Variants in ELMO1 observed in about 807,000 individuals in gnomAD.
The protein encoded by ELMO1 is engulfment and cell motility protein 1.
ELMO1 carries 26 observed loss-of-function variants against 98.9 expected under a neutral mutation model. The observed-to-expected ratio is 0.26, with a 90% confidence interval of 0.19 to 0.36. ELMO1 has a LOEUF of 0.36. ELMO1 is among the 10% of genes least tolerant of loss of function. The probability of loss-of-function intolerance (pLI) is 1.00; values close to 1 mark genes in which losing one functional copy is unlikely to be tolerated. For synonymous variants in ELMO1, 346 were observed against 346.0 expected, an observed-to-expected ratio of 1.00 and a Z score of 0.00; for missense variants, 627 against 935.2, an observed-to-expected ratio of 0.67 and a Z score of 4.30.
intron 14 of ELMO1, among the ~76,000 whole-genome samples, chr7:37,098,557 TC>T (rs1784480011): frequency 6.6e-6 from 1 of 152,126 alleles, no homozygotes; most frequent in South Asian, 2.1e-4. Context: ...GAGATGAAGG[TC>T]AGAGCCCACT....
intron 15 of ELMO1, among the ~76,000 whole-genome samples, chr7:37,039,132 T>A (rs573896334): frequency 1.5e-3 from 230 of 149,782 alleles, no homozygotes; most frequent in African/African-American, 3.9e-3. Context: ...CTCCAATTTT[T>A]AAAAAAAAAA....
chr7:37,187,275 T>C (rs1383011635), intron 13 of ELMO1, among the ~76,000 whole-genome samples: 2 of 152,100 alleles, frequency 1.3e-5, no homozygotes, highest in Admixed American at 6.6e-5. Context: ...ATAGACAACG[T>C]AGACTAATTG....
At chr7:36,922,369 C>T (rs955269485) in intron 16 of ELMO1, among the ~76,000 whole-genome samples, 5 of 105,344 alleles carry the variant, frequency 4.7e-5, no homozygotes, top group African/African-American at 1.9e-4. Context: ...AAAAAAAAAA[C>T]CAACAGATAA....
chr7:36,873,896 C>T (rs1366738842), intron 19 of ELMO1, among the ~76,000 whole-genome samples: 1 of 152,230 alleles, frequency 6.6e-6, no homozygotes, highest in Non-Finnish European at 1.5e-5. Context: ...AGAAACCATT[C>T]AAAGGAAGTA....
rs557416053 is a variant in ELMO1 at position 37,170,656 on chromosome 7, C to G, written c.1087-37422G>C. Among the ~76,000 whole-genome samples, 280 of 149,378 alleles carry G rather than the reference C, an allele frequency of 1.9e-3. 2 individuals are homozygous for G. Among genetic ancestry groups the G allele is most frequent in the African/African-American group, 6.7e-3 (271 of 40,412 alleles). On this transcript the variant is annotated intron_variant, in intron 13 of 21. Transcript: ENST00000310758. ...TCAGAGTCTCACTCTGTCACCCAGG[C>G]AGGAGTACAGCAGCGCTGTCTCAGC...
chr7:36,973,145 A>G (rs1335219374), intron 16 of ELMO1, among the ~76,000 whole-genome samples: 2 of 152,218 alleles, frequency 1.3e-5, no homozygotes, highest in East Asian at 3.8e-4. Flanking sequence ...CAAGGTTTCT[A>G]AGCAGGCTTA....
chr7:37,375,549 G>T, intron 1 of ELMO1: 1 of 1,053,680 alleles, frequency 9.5e-7, no homozygotes, highest in Non-Finnish European at 1.5e-6. Flanking sequence ...GAACCAGATT[G>T]CCATTTATAA....
intron 13 of ELMO1, among the ~76,000 whole-genome samples, chr7:37,183,885 A>G (rs1791034342): frequency 6.6e-6 from 1 of 152,194 alleles, no homozygotes; most frequent in South Asian, 2.1e-4. Flanking sequence ...TAAAAGATCT[A>G]TTATATATTG....
In ELMO1 at chr7:37,026,211, T is replaced by C. The variant is rs189670937; in HGVS notation, c.1301-12776A>G. Among the ~76,000 whole-genome samples the C allele has an allele frequency of 2.1e-4, 32 of 152,254 alleles. No homozygotes were observed. In the East Asian group the frequency reaches 6.2e-3, roughly 29 times the overall value. On this transcript the variant is annotated intron_variant, in intron 15 of 21. Coordinates refer to ENST00000310758, the MANE Select transcript of ELMO1 (RefSeq NM_014800.11). ...GTGAGATGGGCACCCAAGGATTATG[T>C]TGGGATACAGGCAGATTAATGAGCA... is the stretch of plus-strand genomic sequence containing the variant.
At position 37,216,701 on chromosome 7, in the gene ELMO1, G is replaced by T; in HGVS notation, c.781-6C>A. The stretch of plus-strand genomic sequence containing the variant: ...GCCAAAATATTCGCCATCTCCTGTG[G>T]AAGAAAAACACACCCACACAAAGGC... On this transcript the variant is annotated splice_polypyrimidine_tract_variant and splice_region_variant and intron_variant, in intron 10 of 21. Coordinates refer to ENST00000310758, the MANE Select transcript of ELMO1 (RefSeq NM_014800.11). 6.2e-7 allele frequency: 1 copy of T among 1,614,076 alleles called. No homozygotes were observed. The highest frequency in any genetic ancestry group is 8.5e-7 in the Non-Finnish European group (1 of 1,179,978).
chr7:37,305,050 TA>T (rs1798540832), intron 4 of ELMO1, among the ~76,000 whole-genome samples: 1 of 152,218 alleles, frequency 6.6e-6, no homozygotes. Flanking sequence ...ACAGAAGCTC[TA>T]AAGTTTTGTA....
intron 15 of ELMO1, among the ~76,000 whole-genome samples, chr7:37,077,424 G>A (rs562035082): frequency 2.6e-5 from 4 of 152,308 alleles, no homozygotes; most frequent in South Asian, 2.1e-4. Flanking sequence ...TTTCTGGGGC[G>A]TGGTGGTGTT....
chr7:36,866,045 G>A (rs1417618734), intron 20 of ELMO1, among the ~76,000 whole-genome samples: 1 of 152,192 alleles, frequency 6.6e-6, no homozygotes, highest in East Asian at 1.9e-4. Context: ...GAAGATGGAA[G>A]CTTCTCATAC....
intron 14 of ELMO1, among the ~76,000 whole-genome samples, chr7:37,098,416 A>C (rs921701829): frequency 2.0e-5 from 3 of 152,236 alleles, no homozygotes; most frequent in Admixed American, 6.5e-5. Context: ...AGTGACAGAG[A>C]GTAACAGGGA....
chr7:36,979,999 G>A (rs904597804), intron 16 of ELMO1, among the ~76,000 whole-genome samples: 3 of 152,248 alleles, frequency 2.0e-5, no homozygotes, highest in African/African-American at 7.2e-5. Flanking sequence ...ATACTTCCAG[G>A]TCTGGGAATG....
intron 4 of ELMO1, among the ~76,000 whole-genome samples, chr7:37,313,356 C>T (rs899503181): frequency 1.3e-5 from 2 of 152,296 alleles, no homozygotes; most frequent in East Asian, 1.9e-4. Flanking sequence ...TCCCGAACAG[C>T]TTGGATTACA....
At chr7:37,177,703 G>C (rs1027739528) in intron 13 of ELMO1, among the ~76,000 whole-genome samples, 1 of 152,156 alleles carries the variant, frequency 6.6e-6, no homozygotes, top group Non-Finnish European at 1.5e-5. Context: ...CAGCTGCTGG[G>C]TGGTCATGGA....
chr7:37,221,303 C>A (rs563320746), intron 10 of ELMO1, among the ~76,000 whole-genome samples: 1 of 152,290 alleles, frequency 6.6e-6, no homozygotes, highest in South Asian at 2.1e-4. Context: ...GGTTTAAAAT[C>A]CTTGGCAATG....
intron 4 of ELMO1, among the ~76,000 whole-genome samples, chr7:37,295,944 T>C (rs113710292): frequency 2.6e-5 from 4 of 152,372 alleles, no homozygotes; most frequent in African/African-American, 9.6e-5. Context: ...CCTTACTTAA[T>C]GTGGAGGAAA....
Sources: gnomAD v4.1 joint callset for allele counts (sites outside exome capture counted in the v4.1 genomes callset) on GRCh38, gnomAD v4.1.1 for gene constraint, MANE v1.5 for transcripts, NCBI Gene and HGNC (gene_info 2026-07-23, HGNC 2026-07-21) for gene names.